Variants in PRICKLE1 observed in about 807,000 individuals in gnomAD.
The protein encoded by PRICKLE1 is prickle-like protein 1.
In PRICKLE1, 14 loss-of-function variants were observed where a neutral mutation model predicts 70.2. The observed-to-expected ratio is 0.20, with a 90% CI of 0.13 to 0.31. PRICKLE1 has a LOEUF of 0.31. PRICKLE1 is among the 10% of genes least tolerant of loss of function. The pLI, the probability that PRICKLE1 is intolerant of heterozygous loss-of-function variation, is 1.00. For missense variants in PRICKLE1, 821 were observed against 1,026.2 expected, an observed-to-expected ratio of 0.80 and a Z score of 2.73; for synonymous variants, 357 against 379.9, an observed-to-expected ratio of 0.94 and a Z score of 0.70.
chr12:42,464,475 G>A lies in PRICKLE1; in HGVS notation c.1559C>T (p.Ser520Phe), dbSNP rs777667268. Residue 520 changes from serine to phenylalanine, a missense_variant, in exon 7 of 8, where the codon TCC (serine) becomes TTC (phenylalanine). Ser to Phe is a radical substitution (Grantham distance 155). Transcript: ENST00000345127. This position sits in a 1 kb window ranked among gnomAD's most constrained non-coding sequence, Gnocchi z 4.2. ...NHDETQWYED[S>F]LECLSDLKPE... ...TTTCAGGTCTGACAGACACTCCAGGGAATCTTCATACCACTGTGTTTCATC... is the reference window on the plus strand; with the variant it reads ...TTTCAGGTCTGACAGACACTCCAGGAAATCTTCATACCACTGTGTTTCATC... 1 of 1,614,000 alleles carries A rather than the reference G, an allele frequency of 6.2e-7. No homozygotes were observed. The highest frequency in any genetic ancestry group is 1.7e-5 in the Admixed American group (1 of 59,988).
chr12:42,519,074 G>A (rs1043867396), intron 1 of PRICKLE1, among the ~76,000 whole-genome samples: 3 of 151,674 alleles, frequency 2.0e-5, no homozygotes, highest in Non-Finnish European at 2.9e-5. Flanking sequence ...AGTAGTAATC[G>A]TTACCATCTG....
At chr12:42,465,365 T>A (rs1938053177) in intron 6 of PRICKLE1, 107 bp from the exon 7 acceptor site, 1 of 1,031,800 alleles carries the variant, frequency 9.7e-7, no homozygotes. Context: ...ATGGGGGAGC[T>A]GTGTGGGTGA....
chr12:42,487,899 A>C (rs1426674205), intron 1 of PRICKLE1, among the ~76,000 whole-genome samples: 1 of 152,146 alleles, frequency 6.6e-6, no homozygotes, highest in African/African-American at 2.4e-5. Context: ...TACAAAAATT[A>C]GCTGGGCATG....
At chr12:42,522,201 C>G (rs1336319860) in intron 1 of PRICKLE1, among the ~76,000 whole-genome samples, 1 of 151,978 alleles carries the variant, frequency 6.6e-6, no homozygotes, top group East Asian at 1.9e-4. Flanking sequence ...GTCTCGAACA[C>G]CAGACCTCAG....
rs1475064590 is a variant in PRICKLE1 at position 42,459,771 on chromosome 12, G to A, written c.*38C>T. ...AAAGGAAACGATTCAGACGGTTAAT[G>A]GCTAAGTTTTAAACAAATGCTCTGC... On this transcript the variant is annotated 3_prime_UTR_variant, in exon 8 of 8. Transcript: ENST00000345127. 3.1e-6 allele frequency: 5 copies of A among 1,612,596 alleles called. No homozygotes were observed. Among genetic ancestry groups the A allele is most frequent in the Non-Finnish European group, 4.2e-6 (5 of 1,178,852 alleles).
chr12:42,510,271 T>G lies in PRICKLE1; in HGVS notation c.-48-37707A>C, dbSNP rs534241715. Among the ~76,000 whole-genome samples, 39 of 152,052 alleles carry G rather than the reference T, an allele frequency of 2.6e-4. 1 individual carries two copies. The South Asian group carries it at 8.1e-3, about 32-fold the overall frequency. ...CACCAGGCCCGGCTAATTTTTTGTA[T>G]TTTTAGTAGAGATGGGGTTTCACCA... On this transcript the variant is annotated intron_variant, in intron 1 of 7. Transcript: ENST00000345127.
At chr12:42,533,006 G>A (rs1939948326) in intron 1 of PRICKLE1, among the ~76,000 whole-genome samples, 1 of 152,096 alleles carries the variant, frequency 6.6e-6, no homozygotes, top group South Asian at 2.1e-4. Flanking sequence ...GTTGCTAGTG[G>A]TTACAGTATT....
At chr12:42,573,014 T>TAA (rs111792737) in intron 1 of PRICKLE1, among the ~76,000 whole-genome samples, 3 of 151,896 alleles carry the variant, frequency 2.0e-5, no homozygotes, top group African/African-American at 4.9e-5. Context: ...CTTGTATGTT[T>TAA]AAAAAATTTT....
chr12:42,510,010 C>G (rs1435464971), intron 1 of PRICKLE1, among the ~76,000 whole-genome samples: 1 of 151,524 alleles, frequency 6.6e-6, no homozygotes, highest in Non-Finnish European at 1.5e-5. Context: ...AAGGTGGAGA[C>G]TGCAGTGAGC....
Position 42,470,344 on chromosome 12 carries a change from C to G in PRICKLE1, c.148G>C (p.Ala50Pro), listed in dbSNP as rs745883137. ...LRPEQIQLYF[A>P]CLPEEKVPYV... is the part of the protein sequence containing the mutation. ...GGAACTTTTTCCTCTGGTAAGCAAGCAAAATAGAGCTGGATCTGCAAAAGA... is the reference window on the plus strand; with the variant it reads ...GGAACTTTTTCCTCTGGTAAGCAAGGAAAATAGAGCTGGATCTGCAAAAGA... The change falls in exon 3 of 8, where the codon GCT (alanine) becomes CCT (proline). Residue 50 changes from alanine to proline, a missense_variant. By Grantham distance (27) the Ala-to-Pro change is conservative. Coordinates refer to ENST00000345127, the MANE Select transcript of PRICKLE1 (RefSeq NM_153026.3). 1 of 1,610,726 alleles carries G rather than the reference C, an allele frequency of 6.2e-7. No homozygotes were observed.
intron 2 of PRICKLE1, 103 bp downstream of exon 2, chr12:42,472,279 GTAT>G: frequency 8.2e-7 from 1 of 1,222,052 alleles, no homozygotes; most frequent in Non-Finnish European, 1.2e-6. Context: ...GAGGAGGGTG[GTAT>G]TCCAGCATCT....
chr12:42,550,697 A>G (rs1392829043), intron 1 of PRICKLE1, among the ~76,000 whole-genome samples: 1 of 152,242 alleles, frequency 6.6e-6, no homozygotes, highest in African/African-American at 2.4e-5. Flanking sequence ...ACAAAACAAC[A>G]AATCAACAGA....
chr12:42,473,135 A>C (rs748654255), intron 1 of PRICKLE1, among the ~76,000 whole-genome samples: 23 of 152,240 alleles, frequency 1.5e-4, no homozygotes, highest in Non-Finnish European at 3.2e-4. Flanking sequence ...GAGTTTACAC[A>C]CAAAATAGAA....
intron 1 of PRICKLE1, among the ~76,000 whole-genome samples, chr12:42,543,951 A>G (rs938208241): frequency 6.6e-6 from 1 of 152,390 alleles, no homozygotes; most frequent in African/African-American, 2.4e-5. Context: ...TAGAGAAAAA[A>G]TGTTAAGAAA....
chr12:42,505,208 T>A lies in PRICKLE1; in HGVS notation c.-48-32644A>T, dbSNP rs1404617544. On this transcript the variant is annotated intron_variant, in intron 1 of 7. Transcript: ENST00000345127. The stretch of plus-strand genomic sequence containing the variant: ...GTTCTGGGGTTAGGATCCATTATGA[T>A]TGCAAAGGGTCCACCCCTTGGCCAT... Among the ~76,000 whole-genome samples, 4 of 152,108 alleles carry A rather than the reference T, an allele frequency of 2.6e-5. No homozygotes were observed. The East Asian group carries it at 7.7e-4, about 29-fold the overall frequency.
intron 1 of PRICKLE1, among the ~76,000 whole-genome samples, chr12:42,539,467 CAAAAA>C (rs71084669): frequency 1.1e-5 from 1 of 90,748 alleles, no homozygotes; most frequent in Non-Finnish European, 2.2e-5. Context: ...GACTCTGTCT[CAAAAA>C]AAAAAAAAAA....
chr12:42,555,241 T>C (rs1455073323), intron 1 of PRICKLE1, among the ~76,000 whole-genome samples: 2 of 151,950 alleles, frequency 1.3e-5, no homozygotes, highest in African/African-American at 4.8e-5. Context: ...GAGGCAGAGG[T>C]TGTAGTGAGT....
chr12:42,524,092 A>G (rs1939759689), intron 1 of PRICKLE1, among the ~76,000 whole-genome samples: 2 of 152,250 alleles, frequency 1.3e-5, no homozygotes, highest in African/African-American at 2.4e-5. Context: ...TTTCCATTAA[A>G]ATGGCCTGTG....
intron 7 of PRICKLE1, among the ~76,000 whole-genome samples, chr12:42,461,101 G>A (rs565986534): frequency 4.1e-4 from 63 of 152,206 alleles, no homozygotes; most frequent in African/African-American, 1.2e-3. Flanking sequence ...GGCTGGTCTC[G>A]AACTCCCGAC....
Sources: gnomAD v4.1 joint callset for allele counts (sites outside exome capture counted in the v4.1 genomes callset) on GRCh38, gnomAD v4.1.1 for gene constraint, Gnocchi (gnomAD v3.1) non-coding constraint, MANE v1.5 for transcripts, NCBI Gene and HGNC (gene_info 2026-07-23, HGNC 2026-07-21) for gene names.